Variants in TECRL observed in about 807,000 individuals in gnomAD.
The protein encoded by TECRL is trans-2,3-enoyl-CoA reductase like, also known as trans-2,3-enoyl-CoA reductase-like.
A neutral mutation model predicts 52.8 loss-of-function variants in TECRL; 63 were observed. The observed-to-expected ratio is 1.19, with a 90% CI of 0.97 to 1.47. The LOEUF (loss-of-function observed/expected upper bound fraction) is 1.47. Among genes scored for constraint, TECRL ranks in the 40% most tolerant of loss-of-function variants. The probability of loss-of-function intolerance (pLI) is 0.00; values close to 1 mark genes in which losing one functional copy is unlikely to be tolerated. For synonymous variants in TECRL, 164 were observed against 141.9 expected, an observed-to-expected ratio of 1.16 and a Z score of -1.10; for missense variants, 482 against 429.6, an observed-to-expected ratio of 1.12 and a Z score of -1.08.
intron 4 of TECRL, among the ~76,000 whole-genome samples, chr4:64,319,291 G>T (rs945121804): frequency 6.6e-6 from 1 of 151,002 alleles, no homozygotes; most frequent in Non-Finnish European, 1.5e-5. Flanking sequence ...CATTAAAAAT[G>T]TGAAATTTAC....
rs561204511 is a variant in TECRL, at chr4:64,402,936, A to T, written c.234+6182T>A. Among the ~76,000 whole-genome samples, 2 of 152,134 alleles carry T rather than the reference A, an allele frequency of 1.3e-5. 1 individual carries two copies. The highest frequency in any genetic ancestry group is 4.1e-4 in the South Asian group (2 of 4,822). On this transcript the variant is annotated intron_variant, in intron 1 of 11. Transcript: ENST00000381210. ...ACTCTGCCTAAAGTAGTCTAGTTAA[A>T]CTCAATGAATATCACACCATTTAAT...
intron 1 of TECRL, among the ~76,000 whole-genome samples, chr4:64,400,588 G>A (rs1009374720): frequency 1.3e-5 from 2 of 152,134 alleles, no homozygotes; most frequent in African/African-American, 4.8e-5. Flanking sequence ...TGCAGGTGGG[G>A]CCTGGTGGGA....
chr4:64,372,000 T>G (rs1016474718), intron 2 of TECRL, among the ~76,000 whole-genome samples: 1 of 151,800 alleles, frequency 6.6e-6, no homozygotes, highest in Non-Finnish European at 1.5e-5. Flanking sequence ...TTTAAAATGT[T>G]AAAAAATATT....
At chr4:64,406,787 A>T (rs1724757292) in intron 1 of TECRL, among the ~76,000 whole-genome samples, 1 of 152,030 alleles carries the variant, frequency 6.6e-6, no homozygotes, top group South Asian at 2.1e-4. Context: ...ATGGTATGTA[A>T]ATTGTACCAC....
chr4:64,308,964 G>C (rs999914626), intron 6 of TECRL, among the ~76,000 whole-genome samples: 1 of 152,118 alleles, frequency 6.6e-6, no homozygotes, highest in African/African-American at 2.4e-5. Context: ...AACAATTAGT[G>C]AATTTAAAAA....
chr4:64,334,030 C>CAAAAAAAAAAAAAAAAAA lies in TECRL; in HGVS notation c.287-5492_287-5475dup, dbSNP rs4034910. ...TGGGCGACAGAGCGAGACTCCGTCT[C>CAAAAAAAAAAAAAAAAAA]AAAAAAAAAAAAAAAAAAAGAAAAA... is the stretch of plus-strand genomic sequence containing the variant. On this transcript the variant is annotated intron_variant, in intron 2 of 11. Transcript: ENST00000381210. Among the ~76,000 whole-genome samples the CAAAAAAAAAAAAAAAAAA allele has an allele frequency of 1.4e-3, 40 of 28,024 alleles. 6 individuals are homozygous for CAAAAAAAAAAAAAAAAAA. The highest frequency in any genetic ancestry group is 2.5e-3 in the East Asian group (2 of 816). The allele number at this position is 28,024 out of a possible 152,430, so 18.4% of individuals were successfully genotyped here. A position where few individuals can be genotyped will look rare whatever the true frequency, so the allele number is the denominator to read the frequency against.
chr4:64,324,911 T>G (rs2110036448), intron 3 of TECRL, among the ~76,000 whole-genome samples: 1 of 152,292 alleles, frequency 6.6e-6, no homozygotes, highest in African/African-American at 2.4e-5. Flanking sequence ...GTATAATCCC[T>G]GAGGTTCTGC....
chr4:64,389,802 A>G (rs1401385752), intron 1 of TECRL, among the ~76,000 whole-genome samples: 1 of 151,874 alleles, frequency 6.6e-6, no homozygotes, highest in Non-Finnish European at 1.5e-5. Flanking sequence ...AAAATGAAAG[A>G]TAATTTAAAT....
chr4:64,306,759 TGA>T (rs1412737375), intron 6 of TECRL, among the ~76,000 whole-genome samples: 1 of 152,186 alleles, frequency 6.6e-6, no homozygotes, highest in Non-Finnish European at 1.5e-5. Flanking sequence ...CTTATTTCCA[TGA>T]GAGAAGTCAG....
chr4:64,359,584 AT>A (rs1721031923), intron 2 of TECRL, among the ~76,000 whole-genome samples: 2 of 151,982 alleles, frequency 1.3e-5, no homozygotes, highest in Admixed American at 1.3e-4. Flanking sequence ...TCAAAATAAC[AT>A]TGACATTGCA....
chr4:64,286,969 C>G (rs1301144922), intron 9 of TECRL, among the ~76,000 whole-genome samples: 1 of 152,058 alleles, frequency 6.6e-6, no homozygotes, highest in Non-Finnish European at 1.5e-5. Flanking sequence ...TTTCGCTTCT[C>G]TACTAAAAAA....
chr4:64,374,129 G>A (rs1446428704), intron 2 of TECRL, among the ~76,000 whole-genome samples: 2 of 135,460 alleles, frequency 1.5e-5, no homozygotes, highest in African/African-American at 5.5e-5. Context: ...GTGCTCTTCT[G>A]GCACTGTTCA....
In TECRL at chr4:64,280,157, C is replaced by G. The variant is rs751864841; in HGVS notation, c.1007G>C (p.Trp336Ser). 3 of 1,597,836 alleles carry G rather than the reference C, an allele frequency of 1.9e-6. No homozygotes were observed. The highest frequency in any genetic ancestry group is 2.3e-5 in the South Asian group (2 of 87,678). Residue 336 changes from tryptophan (W) to serine (S), a missense_variant, in exon 12 of 12, where the codon TGG (tryptophan) becomes TCG (serine). By Grantham distance (177) the Trp-to-Ser change is radical. Coordinates refer to ENST00000381210, the MANE Select transcript of TECRL (RefSeq NM_001010874.5). ...ATAAATCTTATGTTTCTTTTGTGCC[C>G]ACAAAGACATCTGGATACTCATCAG... ...TLLMSIQMSL[W>S]AQKKHKIYLR...
Position 64,309,942 on chromosome 4 carries a change from A to T in TECRL, c.552-11T>A. The T allele has an allele frequency of 1.3e-6, 2 of 1,530,986 alleles. No homozygotes were observed. Among genetic ancestry groups the T allele is most frequent in the Non-Finnish European group, 1.8e-6 (2 of 1,120,284 alleles). 94.8% of individuals were successfully genotyped at this position (1,530,986 alleles called of 1,614,324 possible). On this transcript the variant is annotated splice_polypyrimidine_tract_variant and intron_variant, in intron 5 of 11. Coordinates refer to ENST00000381210, the MANE Select transcript of TECRL (RefSeq NM_001010874.5). ...CAGAAGCAAGCCAAGCTGGAAAAAA[A>T]AATAAAACATAAACATGAAAATCCT...
downstream of TECRL, chr4:64,277,676 G>GCA (rs1456979436): frequency 5.9e-5 from 9 of 151,492 alleles, no homozygotes. Context: ...TGTATATATT[G>GCA]TCATATATGC....
chr4:64,279,868 T>C lies in TECRL; in HGVS notation c.*204A>G. 1.8e-6 allele frequency: 2 copies of C among 1,117,852 alleles called. No homozygotes were observed. The highest frequency in any genetic ancestry group is 5.0e-5 in the Admixed American group (1 of 20,038). 69.2% of individuals were successfully genotyped at this position (1,117,852 alleles called of 1,614,324 possible). A position where few individuals can be genotyped will look rare whatever the true frequency, so the allele number is the denominator to read the frequency against. On this transcript the variant is annotated 3_prime_UTR_variant, in exon 12 of 12. Coordinates refer to ENST00000381210, the MANE Select transcript of TECRL (RefSeq NM_001010874.5). ...CATGCAAATACATTCAGAGCTGTTC[T>C]TAGTTAATTGCATTTATAATTTATA...
intron 2 of TECRL, among the ~76,000 whole-genome samples, chr4:64,355,675 A>T (rs11937864): frequency 6.7e-6 from 1 of 150,348 alleles, no homozygotes; most frequent in Non-Finnish European, 1.5e-5. Context: ...GGTGTCAGGC[A>T]CCTGTAGTCC....
chr4:64,365,453 T>G (rs529445509), intron 2 of TECRL, among the ~76,000 whole-genome samples: 29 of 152,140 alleles, frequency 1.9e-4, no homozygotes, highest in African/African-American at 6.7e-4. Context: ...TCTCTCTTCA[T>G]AGAGGATATG....
chr4:64,401,544 T>A (rs1268070046), intron 1 of TECRL, among the ~76,000 whole-genome samples: 1 of 152,222 alleles, frequency 6.6e-6, no homozygotes, highest in Non-Finnish European at 1.5e-5. Context: ...CTTCTCAGTA[T>A]AATTTGTGTT....
Sources: allele counts gnomAD v4.1 joint callset (sites outside exome capture counted in the v4.1 genomes callset), GRCh38; gene constraint gnomAD v4.1.1; transcripts MANE v1.5; gene names NCBI Gene and HGNC (gene_info 2026-07-23, HGNC 2026-07-21).